GDPD1: variants seen among roughly 807,000 people sequenced by gnomAD.
GDPD1 encodes the protein glycerophosphodiester phosphodiesterase domain containing 1, also known as lysophospholipase D GDPD1.
GDPD1 carries 28 observed loss-of-function variants against 45.1 expected under a neutral mutation model. That is an observed-to-expected ratio of 0.62 (90% CI 0.46 to 0.85). GDPD1 has a LOEUF of 0.85. Ranked by LOEUF, GDPD1 falls within the 40% of genes least tolerant of loss-of-function variation. GDPD1 has a pLI of 0.00. For synonymous variants in GDPD1, 139 were observed against 131.4 expected, an observed-to-expected ratio of 1.06 and a Z score of -0.40; for missense variants, 256 against 364.8, an observed-to-expected ratio of 0.70 and a Z score of 2.43.
At chr17:59,258,619 C>T (rs2047328166) in intron 6 of GDPD1, among the ~76,000 whole-genome samples, 1 of 151,994 alleles carries the variant, frequency 6.6e-6, no homozygotes, top group South Asian at 2.1e-4. Flanking sequence ...AAGCAACTAG[C>T]CAGAAGTTTA....
chr17:59,220,768 G>C lies in GDPD1; in HGVS notation c.142+17G>C. The C allele has an allele frequency of 6.2e-7, 1 of 1,609,104 alleles. No homozygotes were observed. The highest frequency in any genetic ancestry group is 8.5e-7 in the Non-Finnish European group (1 of 1,178,482). The stretch of plus-strand genomic sequence containing the variant: ...ACCGCGGAGGTGAGAGGGGTCCCCA[G>C]AACCCGATGACGGAGGTGGGGGAGG... On this transcript the variant is annotated intron_variant, in intron 1 of 9. Coordinates refer to ENST00000284116, the MANE Select transcript of GDPD1 (RefSeq NM_182569.4).
intron 4 of GDPD1, among the ~76,000 whole-genome samples, chr17:59,250,860 C>T (rs1488228742): frequency 6.6e-6 from 1 of 151,952 alleles, no homozygotes. Flanking sequence ...CCACCATACC[C>T]GACTAATTTT....
At chr17:59,222,493 A>C (rs2047013202) in intron 1 of GDPD1, among the ~76,000 whole-genome samples, 1 of 99,190 alleles carries the variant, frequency 1.0e-5, no homozygotes, top group African/African-American at 3.3e-5. Flanking sequence ...GGCGTGAGCC[A>C]CAGTGCCCAG....
intron 2 of GDPD1, among the ~76,000 whole-genome samples, chr17:59,240,165 C>T (rs2047164841): frequency 6.6e-6 from 1 of 151,922 alleles, no homozygotes; most frequent in Non-Finnish European, 1.5e-5. Context: ...GTGATGCGCG[C>T]TTGTAGTTCC....
chr17:59,220,560 G>T lies in GDPD1; in HGVS notation c.-50G>T, dbSNP rs1031726546. The T allele has an allele frequency of 2.3e-5, 36 of 1,587,718 alleles. No homozygotes were observed. The highest frequency in any genetic ancestry group is 2.7e-5 in the Non-Finnish European group (32 of 1,165,622). On this transcript the variant is annotated 5_prime_UTR_variant, in exon 1 of 10. Transcript: ENST00000284116. ...CGCCGCCGTCGTTGCTACTGCCGCAGCGGAGTTCAGAGGGCCCGGAGGTGG... is the reference window on the plus strand; with the variant it reads ...CGCCGCCGTCGTTGCTACTGCCGCATCGGAGTTCAGAGGGCCCGGAGGTGG...
At chr17:59,225,913 G>GGTTCA (rs1251002552) in intron 1 of GDPD1, among the ~76,000 whole-genome samples, 4 of 150,866 alleles carry the variant, frequency 2.7e-5, no homozygotes, top group African/African-American at 9.8e-5. Context: ...GTAGAGATGG[G>GGTTCA]GTTCACCATG....
intron 4 of GDPD1, among the ~76,000 whole-genome samples, chr17:59,253,672 C>T (rs778827623): frequency 2.8e-4 from 43 of 152,098 alleles, no homozygotes; most frequent in Admixed American, 1.3e-3. Context: ...ATGCATCTTA[C>T]TTGACTGCTA....
chr17:59,224,126 A>C (rs1597958750), intron 1 of GDPD1, among the ~76,000 whole-genome samples: 1 of 152,228 alleles, frequency 6.6e-6, no homozygotes, highest in Admixed American at 6.5e-5. Flanking sequence ...CCGTGTCAAC[A>C]TATAGAAGAC....
intron 4 of GDPD1, 23 bp from the exon 5 acceptor site, chr17:59,257,099 A>G: frequency 8.3e-7 from 1 of 1,207,896 alleles, no homozygotes; most frequent in Non-Finnish European, 1.2e-6. Flanking sequence ...TAAAAAATAC[A>G]TTTAAAAATC....
At chr17:59,255,800 T>TACAC (rs1555724198) in intron 4 of GDPD1, among the ~76,000 whole-genome samples, 7 of 66,990 alleles carry the variant, frequency 1.0e-4, no homozygotes, top group African/African-American at 6.1e-4. Context: ...TATATATGTA[T>TACAC]ATATATATAT....
At chr17:59,256,802 TA>T (rs560927611) in intron 4 of GDPD1, among the ~76,000 whole-genome samples, 11 of 152,236 alleles carry the variant, frequency 7.2e-5, no homozygotes, top group East Asian at 5.8e-4. Flanking sequence ...TATCTCAAAA[TA>T]AAAAATTAAT....
chr17:59,231,324 C>CTTTCTT (rs1555721414), intron 1 of GDPD1, among the ~76,000 whole-genome samples: 2 of 114,422 alleles, frequency 1.7e-5, no homozygotes, highest in African/African-American at 7.0e-5. Flanking sequence ...TTCTTTCTTT[C>CTTTCTT]TTTTTTTTTT....
At chr17:59,248,684 A>G in intron 3 of GDPD1, 56 bp from the exon 4 acceptor site, 6 of 1,261,188 alleles carry the variant, frequency 4.8e-6, no homozygotes, top group Non-Finnish European at 6.8e-6. Context: ...TGTAACACAT[A>G]AAAATCTTAT....
chr17:59,238,539 G>A lies in GDPD1; in HGVS notation c.185+4005G>A, dbSNP rs148515304. Among the ~76,000 whole-genome samples the A allele has an allele frequency of 7.0e-3, 1,065 of 151,446 alleles. 9 individuals are homozygous for A. Among genetic ancestry groups the A allele is most frequent in the African/African-American group, 0.024 (1,003 of 41,324 alleles). ...AGCGATTCTCCTGCCTCAGCCTCCC[G>A]AGTAGCTGGGACTACAGGCGCATGC... On this transcript the variant is annotated intron_variant, in intron 2 of 9. Transcript: ENST00000284116.
chr17:59,250,753 G>A (rs2047246848), intron 4 of GDPD1, among the ~76,000 whole-genome samples: 1 of 152,054 alleles, frequency 6.6e-6, no homozygotes, highest in Admixed American at 6.6e-5. Context: ...AGGCTGGAGT[G>A]AAGTAGCTCA....
chr17:59,240,643 A>T (rs2047168938), intron 2 of GDPD1, among the ~76,000 whole-genome samples: 1 of 151,678 alleles, frequency 6.6e-6, no homozygotes, highest in Non-Finnish European at 1.5e-5. Context: ...TAATTTTTAA[A>T]TTTTTTTCGT....
At chr17:59,230,576 T>C (rs1162595905) in intron 1 of GDPD1, among the ~76,000 whole-genome samples, 1 of 151,636 alleles carries the variant, frequency 6.6e-6, no homozygotes, top group Non-Finnish European at 1.5e-5. Flanking sequence ...GAGCTGGGGT[T>C]CCTCCATGTT....
chr17:59,265,061 G>A (rs1167431610), intron 6 of GDPD1, among the ~76,000 whole-genome samples: 7 of 152,040 alleles, frequency 4.6e-5, no homozygotes, highest in South Asian at 2.1e-4. Context: ...GGCTGGTCTC[G>A]AAGTCATGAC....
intron 7 of GDPD1, among the ~76,000 whole-genome samples, chr17:59,267,910 T>C (rs910608904): frequency 6.6e-5 from 10 of 152,030 alleles, no homozygotes; most frequent in Non-Finnish European, 1.5e-5. Flanking sequence ...CCTCAGATGA[T>C]CCACCCACCT....
Sources: gnomAD v4.1 joint callset for allele counts (sites outside exome capture counted in the v4.1 genomes callset) on GRCh38, gnomAD v4.1.1 for gene constraint, MANE v1.5 for transcripts, NCBI Gene and HGNC (gene_info 2026-07-23, HGNC 2026-07-21) for gene names.